ZNF880: variants seen among roughly 807,000 people sequenced by gnomAD.
ZNF880 encodes zinc finger protein LOC400713.
A neutral mutation model predicts 11.8 loss-of-function variants in ZNF880; 12 were observed. That is an observed-to-expected ratio of 1.02 (90% CI 0.65 to 1.65). ZNF880 has a LOEUF of 1.65. ZNF880 is among the 40% of genes most tolerant of loss of function. ZNF880 has a pLI of 0.00. For missense variants in ZNF880, 601 were observed against 673.9 expected (o/e 0.89, Z 1.20); for synonymous variants, 210 against 232.4 (o/e 0.90, Z 0.88).
chr19:52,383,223 C>T (rs1986754244), intron 3 of ZNF880, among the ~76,000 whole-genome samples: 1 of 152,156 alleles, frequency 6.6e-6, no homozygotes, highest in South Asian at 2.1e-4. Flanking sequence ...TTTTTTAGCT[C>T]ATTAAGCATC....
Position 52,374,434 on chromosome 19 carries a change from G to A in ZNF880, c.268+7G>A, listed in dbSNP as rs373506056. The A allele has an allele frequency of 8.1e-5, 131 of 1,609,204 alleles. No homozygotes were observed. The highest frequency in any genetic ancestry group is 1.1e-4 in the Non-Finnish European group (126 of 1,177,726). ...ATCAAAGGTGTGAACGCAGGTAAGA[G>A]CTTGGATGGCCAGAGTGGAGGCCCC... is the stretch of plus-strand genomic sequence containing the variant. On this transcript the variant is annotated splice_region_variant and intron_variant, in intron 3 of 3. Transcript: ENST00000422689.
intron 3 of ZNF880, among the ~76,000 whole-genome samples, chr19:52,377,931 C>T (rs953098524): frequency 2.6e-5 from 4 of 152,228 alleles, no homozygotes; most frequent in Admixed American, 6.5e-5. Context: ...CTGCAATCTC[C>T]GCCTCCTGGT....
chr19:52,380,302 GTTTT>G (rs150901227), intron 3 of ZNF880, among the ~76,000 whole-genome samples: 1 of 148,752 alleles, frequency 6.7e-6, no homozygotes, highest in African/African-American at 2.5e-5. Context: ...TGTCTTTTGG[GTTTT>G]TTTTTTAACA....
intron 3 of ZNF880, among the ~76,000 whole-genome samples, chr19:52,381,907 T>C (rs1467704328): frequency 1.3e-5 from 2 of 152,178 alleles, no homozygotes; most frequent in African/African-American, 4.8e-5. Context: ...TTTTGATATA[T>C]GTTATGGTCC....
At chr19:52,378,258 G>A (rs1302189579) in intron 3 of ZNF880, among the ~76,000 whole-genome samples, 4 of 152,174 alleles carry the variant, frequency 2.6e-5, no homozygotes, top group Non-Finnish European at 5.9e-5. Context: ...CCATTCTTCA[G>A]TTGTGCTTTG....
the ZNF880 span, chr19:52,392,621 T>A: frequency 1.1e-5 from 2 of 184,788 alleles, no homozygotes; most frequent in Non-Finnish European, 2.6e-5. Flanking sequence ...GTTTTAAAGG[T>A]GCCACAGTAC....
chr19:52,394,462 T>C, the ZNF880 span, among the ~76,000 whole-genome samples: 1 of 150,708 alleles, frequency 6.6e-6, no homozygotes, highest in Non-Finnish European at 1.5e-5. Flanking sequence ...CTCAAACTCC[T>C]GAGCTTGAGT....
chr19:52,384,162 A>G lies in ZNF880; in HGVS notation c.582A>G (p.Arg194=). Residue 194 remains arginine (R), a synonymous_variant, in exon 4 of 4, where the codon AGA becomes AGG. Coordinates refer to ENST00000422689, the MANE Select transcript of ZNF880 (RefSeq NM_001145434.2). Reference sequence around the variant, plus strand: ...GTAATGAGCATGGCAAAGCCTTTAGAGTGTCTTCAAGACTTGCTAACAATC... The same window carrying G: ...GTAATGAGCATGGCAAAGCCTTTAGGGTGTCTTCAAGACTTGCTAACAATC... ...CECNEHGKAF[R]VSSRLANNQV... 1.9e-6 allele frequency: 3 copies of G among 1,608,392 alleles called. No homozygotes were observed. Among genetic ancestry groups the G allele is most frequent in the Non-Finnish European group, 2.5e-6 (3 of 1,177,024 alleles).
upstream of ZNF880, chr19:52,369,919 G>A: frequency 6.4e-7 from 1 of 1,551,562 alleles, no homozygotes; most frequent in Non-Finnish European, 8.7e-7. Flanking sequence ...TCAGCTGCGC[G>A]CGCAGTTTCC....
chr19:52,374,428 G>A lies in ZNF880; in HGVS notation c.268+1G>A. 1 of 1,610,530 alleles carries A rather than the reference G, an allele frequency of 6.2e-7. No individual in the cohort carries two copies. The highest frequency in any genetic ancestry group is 8.5e-7 in the Non-Finnish European group (1 of 1,178,266). On this transcript the variant is annotated splice_donor_variant, in intron 3 of 3. Coordinates refer to ENST00000422689, the MANE Select transcript of ZNF880 (RefSeq NM_001145434.2). LOFTEE classifies it high-confidence loss of function. ...GAGTGCATCAAAGGTGTGAACGCAG[G>A]TAAGAGCTTGGATGGCCAGAGTGGA...
In ZNF880 at chr19:52,385,317, T is replaced by C. The variant is rs550376477; in HGVS notation, c.*3T>C. On this transcript the variant is annotated 3_prime_UTR_variant, in exon 4 of 4. Coordinates refer to ENST00000422689, the MANE Select transcript of ZNF880 (RefSeq NM_001145434.2). The stretch of plus-strand genomic sequence containing the variant: ...CTGGAGAGAAACCGTACAGATGAAA[T>C]GTGTGTGGTAAGATCTTTAGTAATA... 5.2e-6 allele frequency: 8 copies of C among 1,550,764 alleles called. No homozygotes were observed. In the East Asian group the frequency reaches 1.7e-4, roughly 33 times the overall value.
At position 52,384,284 on chromosome 19, in the gene ZNF880, C is replaced by T. The variant is rs1305218231; in HGVS notation, c.704C>T (p.Thr235Ile). Reference protein sequence around the residue: ...SNLVQHQRIHTGEKPYKCHEC... With the variant: ...SNLVQHQRIHIGEKPYKCHEC... ...CTTGTACAACATCAAAGAATTCATACTGGAGAGAAGCCTTACAAGTGTCAT... is the reference window on the plus strand; with the variant it reads ...CTTGTACAACATCAAAGAATTCATATTGGAGAGAAGCCTTACAAGTGTCAT... The change falls in exon 4 of 4, where the codon ACT (threonine) becomes ATT (isoleucine). Residue 235 changes from threonine to isoleucine, a missense_variant. Transcript: ENST00000422689. 2 of 1,610,554 alleles carry T rather than the reference C, an allele frequency of 1.2e-6. No homozygotes were observed. The highest frequency in any genetic ancestry group is 2.7e-5 in the African/African-American group (2 of 74,008).
chr19:52,380,516 CT>C (rs200252881), intron 3 of ZNF880, among the ~76,000 whole-genome samples: 226 of 127,506 alleles, frequency 1.8e-3, no homozygotes, highest in South Asian at 7.4e-3. Context: ...TAAATGAAAT[CT>C]TTTTATTTGT....
downstream of ZNF880, among the ~76,000 whole-genome samples, chr19:52,388,282 CTTTTTTTTT>C (rs68179783): frequency 1.3e-4 from 8 of 63,408 alleles, no homozygotes; most frequent in South Asian, 5.8e-4. Context: ...GCAATTTGAA[CTTTTTTTTT>C]TTTTTTTTTT....
At chr19:52,381,742 CG>C (rs1568663699) in intron 3 of ZNF880, among the ~76,000 whole-genome samples, 1 of 151,850 alleles carries the variant, frequency 6.6e-6, no homozygotes, top group African/African-American at 2.4e-5. Flanking sequence ...TTGTGTGTGT[CG>C]GATAGATTTT....
At chr19:52,381,026 A>C (rs1427579215) in intron 3 of ZNF880, among the ~76,000 whole-genome samples, 1 of 152,084 alleles carries the variant, frequency 6.6e-6, no homozygotes, top group Non-Finnish European at 1.5e-5. Flanking sequence ...CATTTTCAAA[A>C]CTGGAATATT....
rs1986832071 is a variant in ZNF880 at position 52,384,883 on chromosome 19, C to A, written c.1303C>A (p.Pro435Thr). The A allele has an allele frequency of 3.1e-6, 5 of 1,603,198 alleles. No individual in the cohort carries two copies. Among genetic ancestry groups the A allele is most frequent in the Non-Finnish European group, 4.3e-6 (5 of 1,175,572 alleles). The change falls in exon 4 of 4, where the codon CCT becomes ACT. Residue 435 changes from proline (P) to threonine (T), a missense_variant. By Grantham distance (38) the Pro-to-Thr change is conservative. Around this residue, in one of 3 missense-constraint regions of ZNF880, gnomAD observed 177 missense variants for 214.5 expected, o/e 0.83. Transcript: ENST00000422689. Reference protein sequence around the residue: ...AHLLIHTGEKPYKCKECAKVF... With the variant: ...AHLLIHTGEKTYKCKECAKVF... ...TCTACTAATTCACACTGGAGAGAAA[C>A]CTTACAAATGTAAAGAATGTGCCAA... is the stretch of plus-strand genomic sequence containing the variant.
At chr19:52,370,363 G>T in intron 1 of ZNF880, 1 of 244,696 alleles carries the variant, frequency 4.1e-6, no homozygotes. Context: ...CCTTAAATGA[G>T]AGGAAATCGA....
downstream of ZNF880, among the ~76,000 whole-genome samples, chr19:52,388,282 C>T (rs1599793596): frequency 1.8e-3 from 111 of 63,392 alleles, 1 homozygote; most frequent in African/African-American, 3.2e-3. Flanking sequence ...GCAATTTGAA[C>T]TTTTTTTTTT....
Sources: allele counts gnomAD v4.1 joint callset (sites outside exome capture counted in the v4.1 genomes callset), GRCh38; gene constraint gnomAD v4.1.1; regional missense constraint gnomAD v4.1.1; transcripts MANE v1.5; gene names NCBI Gene and HGNC (gene_info 2026-07-23, HGNC 2026-07-21).